Variants in STAG1 observed in about 807,000 individuals in gnomAD.
The protein encoded by STAG1 is STAG1 cohesin complex component.
STAG1 carries 26 observed loss-of-function variants against 170.9 expected under a neutral mutation model. That is an observed-to-expected ratio of 0.15 (90% CI 0.11 to 0.21). The LOEUF is 0.21. Among genes scored for constraint, STAG1 ranks in the 10% least tolerant of loss-of-function variants. The probability of loss-of-function intolerance (pLI) is 1.00; values close to 1 mark genes in which losing one functional copy is unlikely to be tolerated. For synonymous variants in STAG1, 514 were observed against 497.7 expected, an observed-to-expected ratio of 1.03 and a Z score of -0.44; for missense variants, 964 against 1,509.5, an observed-to-expected ratio of 0.64 and a Z score of 5.99.
At chr3:136,613,620 G>T (rs1319436066) in intron 3 of STAG1, among the ~76,000 whole-genome samples, 1 of 152,084 alleles carries the variant, frequency 6.6e-6, no homozygotes, top group East Asian at 1.9e-4. Context: ...CCAAGGAGAT[G>T]GGATTACAGG....
At chr3:136,747,781 T>TA (rs1172029984) in intron 1 of STAG1, among the ~76,000 whole-genome samples, 10 of 151,582 alleles carry the variant, frequency 6.6e-5, no homozygotes, top group Admixed American at 6.6e-4. Flanking sequence ...TACGTAATTT[T>TA]TTTTTTTTTT....
chr3:136,678,233 TAA>T (rs199800010), intron 1 of STAG1, among the ~76,000 whole-genome samples: 3 of 143,112 alleles, frequency 2.1e-5, no homozygotes, highest in Admixed American at 7.1e-5. Flanking sequence ...CAGCTAATGC[TAA>T]AAAAAAAAGG....
Position 136,733,332 on chromosome 3 carries a change from C to A in STAG1, c.-84+18863G>T, listed in dbSNP as rs569583743. ...AACTTCTGAGCTCAAATGATCCACC[C>A]ACCTCAGCGTCCCAAAGTGCTGGGA... is the stretch of plus-strand genomic sequence containing the variant. On this transcript the variant is annotated intron_variant, in intron 1 of 33. Coordinates refer to ENST00000383202, the MANE Select transcript of STAG1 (RefSeq NM_005862.3). Among the ~76,000 whole-genome samples the A allele has an allele frequency of 1.9e-4, 29 of 152,146 alleles. No individual in the cohort carries two copies. In the South Asian group the frequency reaches 6.0e-3, roughly 32 times the overall value.
intron 13 of STAG1, among the ~76,000 whole-genome samples, chr3:136,461,992 T>G (rs1002377613): frequency 6.6e-6 from 1 of 152,016 alleles, no homozygotes; most frequent in Non-Finnish European, 1.5e-5. Flanking sequence ...GAAATCACAA[T>G]GAGATATCAT....
At chr3:136,537,544 A>G (rs556045909) in intron 6 of STAG1, among the ~76,000 whole-genome samples, 2 of 138,638 alleles carry the variant, frequency 1.4e-5, no homozygotes, top group African/African-American at 5.4e-5. Context: ...TCCATTGCCC[A>G]GGCTGGAGTG....
At chr3:136,419,240 G>T (rs1391881812) in intron 20 of STAG1, among the ~76,000 whole-genome samples, 1 of 149,540 alleles carries the variant, frequency 6.7e-6, no homozygotes, top group Non-Finnish European at 1.5e-5. Flanking sequence ...CTTTTCTAGG[G>T]AATTCTAAAA....
chr3:136,383,310 T>A (rs1938078516), intron 22 of STAG1, among the ~76,000 whole-genome samples: 1 of 152,164 alleles, frequency 6.6e-6, no homozygotes, highest in Admixed American at 6.5e-5. Context: ...TAAAAAGATT[T>A]GGAATAGGGC....
intron 4 of STAG1, among the ~76,000 whole-genome samples, chr3:136,588,756 GTTTT>G (rs561283750): frequency 6.6e-6 from 1 of 151,226 alleles, no homozygotes; most frequent in African/African-American, 2.4e-5. Flanking sequence ...CCTATTTTCT[GTTTT>G]TTTTGTTTGG....
At chr3:136,371,384 C>T (rs1289531873) in intron 23 of STAG1, among the ~76,000 whole-genome samples, 2 of 152,128 alleles carry the variant, frequency 1.3e-5, no homozygotes, top group African/African-American at 4.8e-5. Flanking sequence ...TCAATTTTGG[C>T]TTTTGTTGCC....
intron 32 of STAG1, among the ~76,000 whole-genome samples, chr3:136,340,104 C>T (rs1382294899): frequency 6.6e-6 from 1 of 152,276 alleles, no homozygotes; most frequent in Non-Finnish European, 1.5e-5. Context: ...ATCAGTGTCA[C>T]CTCCTCCTCA....
At chr3:136,489,680 T>TAA (rs1487586050) in intron 9 of STAG1, among the ~76,000 whole-genome samples, 2 of 152,112 alleles carry the variant, frequency 1.3e-5, no homozygotes, top group African/African-American at 4.8e-5. Context: ...ATAGAATAAT[T>TAA]ATAGAGAATT....
At chr3:136,536,835 C>T (rs1416475544) in intron 6 of STAG1, among the ~76,000 whole-genome samples, 9 of 151,830 alleles carry the variant, frequency 5.9e-5, no homozygotes, top group Admixed American at 5.3e-4. Flanking sequence ...ATTTTCTCAT[C>T]TGTCATATAG....
At position 136,752,175 on chromosome 3, in the gene STAG1, T is replaced by TCGC. The variant is rs1319388641; in HGVS notation, c.-84+17_-84+19dup. ...CCCTCTTTCCCGCCCCCCGCCGCCG[T>TCGC]CGCCGCCGCCCGCACTCACCTCAGC... is the stretch of plus-strand genomic sequence containing the variant. On this transcript the variant is annotated intron_variant, in intron 1 of 33. Coordinates refer to ENST00000383202, the MANE Select transcript of STAG1 (RefSeq NM_005862.3). The TCGC allele has an allele frequency of 6.6e-6, 1 of 152,580 alleles. No individual in the cohort carries two copies. The highest frequency in any genetic ancestry group is 6.6e-5 in the Admixed American group (1 of 15,226). 9.5% of individuals were successfully genotyped at this position (152,580 alleles called of 1,614,324 possible). A position where few individuals can be genotyped will look rare whatever the true frequency, so the allele number is the denominator to read the frequency against.
chr3:136,472,315 C>A, intron 12 of STAG1, 98 bp downstream of exon 12: 3 of 624,266 alleles, frequency 4.8e-6, no homozygotes, highest in Non-Finnish European at 7.8e-6. Flanking sequence ...AAATGATAAA[C>A]ATATACATAA....
chr3:136,715,751 T>C (rs1358122856), intron 1 of STAG1, among the ~76,000 whole-genome samples: 2 of 151,940 alleles, frequency 1.3e-5, no homozygotes, highest in Non-Finnish European at 2.9e-5. Flanking sequence ...CCAGACATTA[T>C]CAATAACTAC....
chr3:136,410,549 G>A (rs536893195), intron 21 of STAG1, among the ~76,000 whole-genome samples: 4 of 152,240 alleles, frequency 2.6e-5, no homozygotes, highest in Non-Finnish European at 4.4e-5. Context: ...GAGTGGGTGC[G>A]CCACTGCTAT....
intron 28 of STAG1, among the ~76,000 whole-genome samples, chr3:136,353,776 T>C (rs909942365): frequency 9.2e-5 from 14 of 152,324 alleles, no homozygotes; most frequent in South Asian, 4.1e-4. Flanking sequence ...ACAGGGTAAT[T>C]TGAATTTACA....
Position 136,525,309 on chromosome 3 carries a change from C to T in STAG1, c.472-3892G>A, listed in dbSNP as rs190626581. On this transcript the variant is annotated intron_variant, in intron 6 of 33. Transcript: ENST00000383202. ...GTCTATTCAGGGATTCAACTTCTTC[C>T]TGGTTTAGTCTTGGGAGGGTGTATG... 2.0e-5 allele frequency among the ~76,000 whole-genome samples: 3 copies of T among 152,256 alleles called. No homozygotes were observed. The East Asian group carries it at 5.8e-4, about 29-fold the overall frequency.
At chr3:136,501,860 T>C (rs1030278388) in intron 8 of STAG1, among the ~76,000 whole-genome samples, 2 of 152,116 alleles carry the variant, frequency 1.3e-5, no homozygotes, top group Non-Finnish European at 2.9e-5. Context: ...TTATGTAGTA[T>C]TGGATAAATA....
Sources: allele counts gnomAD v4.1 joint callset (sites outside exome capture counted in the v4.1 genomes callset), GRCh38; gene constraint gnomAD v4.1.1; transcripts MANE v1.5; gene names NCBI Gene and HGNC (gene_info 2026-07-23, HGNC 2026-07-21).